The following KIAA1217 variants were observed in gnomAD, a reference collection of about 807,000 sequenced individuals.
The protein encoded by KIAA1217 is sickle tail protein homolog.
KIAA1217 carries 88 observed loss-of-function variants against 163.9 expected under a neutral mutation model. That is an observed-to-expected ratio of 0.54 (90% CI 0.45 to 0.64). The LOEUF (loss-of-function observed/expected upper bound fraction) is 0.64. KIAA1217 is among the 30% of genes least tolerant of loss of function. The pLI is 0.00. For missense variants in KIAA1217, 2,372 were observed against 2,475.0 expected (o/e 0.96, Z 0.88); for synonymous variants, 903 against 923.1 (o/e 0.98, Z 0.39).
intron 2 of KIAA1217, among the ~76,000 whole-genome samples, chr10:24,024,650 A>G (rs918202625): frequency 2.0e-5 from 3 of 151,722 alleles, no homozygotes; most frequent in African/African-American, 7.2e-5. Context: ...TAACCTGTTT[A>G]AAAGGTGGTT....
chr10:23,703,785 G>A (rs1398542799), intron 1 of KIAA1217, among the ~76,000 whole-genome samples: 1 of 151,748 alleles, frequency 6.6e-6, no homozygotes, highest in East Asian at 1.9e-4. Flanking sequence ...TAGATCAGGG[G>A]GTCAGCAAAC....
intron 1 of KIAA1217, among the ~76,000 whole-genome samples, chr10:23,964,442 A>G (rs1844966610): frequency 6.6e-6 from 1 of 151,746 alleles, no homozygotes; most frequent in Non-Finnish European, 1.5e-5. Flanking sequence ...CCCATTTGTC[A>G]ATTTTGGCTT....
chr10:24,445,710 T>G (rs2060872034), intron 5 of KIAA1217, among the ~76,000 whole-genome samples: 1 of 151,978 alleles, frequency 6.6e-6, no homozygotes, highest in South Asian at 2.1e-4. Context: ...GGACATGAAC[T>G]CATCATTTTT....
At chr10:23,800,443 C>T (rs577678482) in intron 1 of KIAA1217, among the ~76,000 whole-genome samples, 3 of 152,210 alleles carry the variant, frequency 2.0e-5, no homozygotes, top group Non-Finnish European at 2.9e-5. Flanking sequence ...TGGTGCCCAG[C>T]TTCTCAGTGG....
chr10:23,906,306 C>T (rs902643720), intron 1 of KIAA1217, among the ~76,000 whole-genome samples: 1 of 151,538 alleles, frequency 6.6e-6, no homozygotes, highest in African/African-American at 2.4e-5. Context: ...ACGTACACAC[C>T]CCAAACACAT....
At chr10:24,344,219 A>T (rs2047447999) in intron 2 of KIAA1217, among the ~76,000 whole-genome samples, 1 of 152,250 alleles carries the variant, frequency 6.6e-6, no homozygotes, top group South Asian at 2.1e-4. Flanking sequence ...TAAAAATAGC[A>T]TCTAGAAGGA....
intron 5 of KIAA1217, among the ~76,000 whole-genome samples, chr10:24,446,208 A>G (rs968569157): frequency 1.6e-4 from 25 of 151,782 alleles, no homozygotes; most frequent in East Asian, 3.9e-4. Flanking sequence ...CATATCCTTC[A>G]CCCACTTGTT....
chr10:24,231,650 T>G (rs975790192), intron 2 of KIAA1217, among the ~76,000 whole-genome samples: 1 of 151,930 alleles, frequency 6.6e-6, no homozygotes, highest in Admixed American at 6.6e-5. Flanking sequence ...TCATTTACAT[T>G]TGGATATGAT....
At chr10:24,478,996 C>T (rs1478280049) in intron 6 of KIAA1217, among the ~76,000 whole-genome samples, 1 of 152,194 alleles carries the variant, frequency 6.6e-6, no homozygotes, top group African/African-American at 2.4e-5. Flanking sequence ...TATTTTTACA[C>T]TATTCTATAC....
intron 1 of KIAA1217, among the ~76,000 whole-genome samples, chr10:23,990,957 T>A (rs1846192404): frequency 6.6e-6 from 1 of 152,182 alleles, no homozygotes; most frequent in Non-Finnish European, 1.5e-5. Flanking sequence ...GCGAGGGAAT[T>A]GCAGGCAAGT....
At chr10:24,440,930 A>G (rs892970647) in intron 5 of KIAA1217, among the ~76,000 whole-genome samples, 1 of 152,124 alleles carries the variant, frequency 6.6e-6, no homozygotes, top group East Asian at 1.9e-4. Context: ...AGCTGCCCTC[A>G]CCTTTTGGCT....
intron 2 of KIAA1217, among the ~76,000 whole-genome samples, chr10:24,284,955 A>G (rs2078390271): frequency 1.3e-5 from 2 of 151,934 alleles, no homozygotes; most frequent in African/African-American, 4.8e-5. Flanking sequence ...ATGGTTTCTC[A>G]TTGTGGTTTT....
chr10:24,322,884 A>G (rs2044358196), intron 2 of KIAA1217, among the ~76,000 whole-genome samples: 1 of 152,236 alleles, frequency 6.6e-6, no homozygotes, highest in African/African-American at 2.4e-5. Context: ...CAACTTCTTT[A>G]GAAGTTTGAT....
chr10:23,778,538 G>A (rs911099779), intron 1 of KIAA1217, among the ~76,000 whole-genome samples: 5 of 152,156 alleles, frequency 3.3e-5, no homozygotes, highest in African/African-American at 9.7e-5. Flanking sequence ...CATTGTTGTG[G>A]GGAATCTGGA....
intron 2 of KIAA1217, among the ~76,000 whole-genome samples, chr10:24,349,204 G>T (rs1262992997): frequency 4.0e-5 from 6 of 151,090 alleles, no homozygotes; most frequent in Admixed American, 6.6e-5. Flanking sequence ...TACACTGAGT[G>T]TTAATGGATG....
At chr10:23,902,863 G>T (rs1387007765) in intron 1 of KIAA1217, among the ~76,000 whole-genome samples, 2 of 152,084 alleles carry the variant, frequency 1.3e-5, no homozygotes, top group Admixed American at 6.6e-5. Flanking sequence ...TACATGGGAG[G>T]TTATTGGAAG....
At chr10:24,406,392 A>AACACACACACACACACACAC (rs34564889) in intron 3 of KIAA1217, among the ~76,000 whole-genome samples, 169 of 133,872 alleles carry the variant, frequency 1.3e-3, no homozygotes, top group African/African-American at 2.5e-3. Flanking sequence ...TTCACACACA[A>AACACACACACACACACACAC]ACACACACAC....
At chr10:24,095,603 A>G (rs551386889) in intron 2 of KIAA1217, among the ~76,000 whole-genome samples, 8 of 152,020 alleles carry the variant, frequency 5.3e-5, no homozygotes, top group African/African-American at 1.4e-4. Flanking sequence ...CTGTTCTTTG[A>G]TTCTCAGACC....
chr10:23,914,936 G>A (rs1184045253), intron 1 of KIAA1217, among the ~76,000 whole-genome samples: 1 of 152,122 alleles, frequency 6.6e-6, no homozygotes, highest in Non-Finnish European at 1.5e-5. Flanking sequence ...GTAGATGTAG[G>A]TTTGAGAGTC....
Sources: allele counts gnomAD v4.1 joint callset (sites outside exome capture counted in the v4.1 genomes callset), GRCh38; gene constraint gnomAD v4.1.1; transcripts MANE v1.5; gene names NCBI Gene and HGNC (gene_info 2026-07-23, HGNC 2026-07-21).